The following KAZN variants were observed in gnomAD, a reference collection of about 807,000 sequenced individuals.
KAZN encodes the protein kazrin.
In KAZN, 40 loss-of-function variants were observed where a neutral mutation model predicts 87.4. That is an observed-to-expected ratio of 0.46 (90% CI 0.36 to 0.60). The LOEUF (loss-of-function observed/expected upper bound fraction) is 0.60, where lower values mean the gene tolerates loss of function less well. Ranked by LOEUF, KAZN falls within the 20% of genes least tolerant of loss-of-function variation. KAZN has a pLI of 0.00. For synonymous variants in KAZN, 466 were observed against 458.3 expected, an observed-to-expected ratio of 1.02 and a Z score of -0.22; for missense variants, 898 against 1,073.9, an observed-to-expected ratio of 0.84 and a Z score of 2.29.
intron 2 of KAZN, among the ~76,000 whole-genome samples, chr1:14,254,813 G>A (rs1472771533): frequency 6.6e-6 from 1 of 152,204 alleles, no homozygotes; most frequent in African/African-American, 2.4e-5. Flanking sequence ...AAGCTTACAA[G>A]CATGGCAGAA....
At chr1:14,595,676 G>A (rs12025574), upstream of KAZN, among the ~76,000 whole-genome samples, 24,319 of 110,268 alleles carry the variant, frequency 0.22, 2,403 homozygotes, top group Middle Eastern at 0.39. Context: ...GCAAGACTGC[G>A]TCTCAAAAAA....
chr1:14,230,014 C>G (rs1303097569), intron 2 of KAZN, among the ~76,000 whole-genome samples: 1 of 152,246 alleles, frequency 6.6e-6, no homozygotes. Flanking sequence ...TGGAAATAGT[C>G]TACAGCTGTG....
chr1:13,954,875 G>A (rs1236611785), intron 1 of KAZN, among the ~76,000 whole-genome samples: 2 of 151,900 alleles, frequency 1.3e-5, no homozygotes, highest in East Asian at 3.8e-4. Flanking sequence ...TAGTTTTTAC[G>A]AATTGCTATG....
In KAZN at chr1:15,064,822, C is replaced by T. The variant is rs753006424; in HGVS notation, c.1099-808C>T. 7.3e-4 allele frequency among the ~76,000 whole-genome samples: 111 copies of T among 152,226 alleles called. 1 individual carries two copies. The highest frequency in any genetic ancestry group is 1.3e-4 in the Admixed American group (2 of 15,294). On this transcript the variant is annotated intron_variant, in intron 7 of 14. Coordinates refer to ENST00000376030, the MANE Select transcript of KAZN (RefSeq NM_201628.3). ...ACGGCAGACAGGGCCTGTGGCCACC[C>T]TTCCTCCCTGTGGCCTCGCATCGTG...
chr1:14,485,582 C>T (rs1301734154), intron 2 of KAZN, among the ~76,000 whole-genome samples: 2 of 152,138 alleles, frequency 1.3e-5, no homozygotes. Flanking sequence ...ATAAACTGCC[C>T]CTTAATCTGC....
At chr1:14,417,040 ACG>A (rs1491184608) in intron 2 of KAZN, among the ~76,000 whole-genome samples, 2 of 148,588 alleles carry the variant, frequency 1.3e-5, no homozygotes, top group African/African-American at 2.5e-5. Context: ...ACACACACAC[ACG>A]TTAACCAGGT....
intron 1 of KAZN, among the ~76,000 whole-genome samples, chr1:14,614,313 T>C (rs1268416682): frequency 6.6e-6 from 1 of 152,258 alleles, no homozygotes; most frequent in Non-Finnish European, 1.5e-5. Context: ...ACTCTCTTTA[T>C]AGTAAGCCTT....
At chr1:15,046,959 T>C (rs1313025835) in intron 4 of KAZN, among the ~76,000 whole-genome samples, 3 of 152,218 alleles carry the variant, frequency 2.0e-5, no homozygotes, top group African/African-American at 7.2e-5. Context: ...GAGGACTCCC[T>C]GGGTCTTTCT....
chr1:14,902,178 G>T (rs1235852194), intron 1 of KAZN, among the ~76,000 whole-genome samples: 1 of 152,116 alleles, frequency 6.6e-6, no homozygotes, highest in Admixed American at 6.5e-5. Flanking sequence ...GACATGCTTT[G>T]ATGGACATAA....
chr1:14,010,987 G>A (rs1323082253), intron 1 of KAZN, among the ~76,000 whole-genome samples: 2 of 151,172 alleles, frequency 1.3e-5, no homozygotes, highest in African/African-American at 4.9e-5. Flanking sequence ...CCCATCTTCT[G>A]CCTCCCCTAT....
chr1:14,376,956 G>C (rs1038789370), intron 2 of KAZN, among the ~76,000 whole-genome samples: 1 of 152,218 alleles, frequency 6.6e-6, no homozygotes, highest in Non-Finnish European at 1.5e-5. Flanking sequence ...TGCTGGTGCT[G>C]AGTACCAAAT....
chr1:13,971,595 GTT>G (rs34600098), intron 1 of KAZN, among the ~76,000 whole-genome samples: 1 of 144,702 alleles, frequency 6.9e-6, no homozygotes, highest in African/African-American at 2.5e-5. Flanking sequence ...ATCTTGTGAG[GTT>G]TTTTTTTTGT....
At chr1:15,089,940 C>T (rs1424292936) in intron 8 of KAZN, among the ~76,000 whole-genome samples, 1 of 152,136 alleles carries the variant, frequency 6.6e-6, no homozygotes, top group Non-Finnish European at 1.5e-5. Context: ...TTTAGAAAGT[C>T]CTTGAGACAG....
intron 2 of KAZN, among the ~76,000 whole-genome samples, chr1:14,571,545 T>C (rs1674862795): frequency 1.3e-5 from 2 of 152,212 alleles, no homozygotes; most frequent in Admixed American, 6.5e-5. Context: ...AATGGCTCCA[T>C]GCGCCTATGC....
At chr1:14,915,044 G>A (rs1341470678) in intron 1 of KAZN, among the ~76,000 whole-genome samples, 8 of 152,098 alleles carry the variant, frequency 5.3e-5, no homozygotes, top group African/African-American at 1.2e-4. Context: ...AAAATTAGCC[G>A]GGCGTGGTGG....
At chr1:14,743,966 C>T (rs1248405921) in intron 1 of KAZN, among the ~76,000 whole-genome samples, 1 of 152,124 alleles carries the variant, frequency 6.6e-6, no homozygotes. Context: ...AACCAAGACT[C>T]TGGTACCTGG....
intron 2 of KAZN, among the ~76,000 whole-genome samples, chr1:14,270,775 C>T (rs1048900638): frequency 6.6e-6 from 1 of 152,088 alleles, no homozygotes; most frequent in African/African-American, 2.4e-5. Context: ...TCTCAATAAC[C>T]CTCTTTTTTC....
At chr1:14,554,616 AACAG>A (rs1451931388) in intron 2 of KAZN, among the ~76,000 whole-genome samples, 2 of 152,242 alleles carry the variant, frequency 1.3e-5, no homozygotes, top group African/African-American at 4.8e-5. Flanking sequence ...TATGATCTGA[AACAG>A]ACAGAGGCAA....
intron 1 of KAZN, among the ~76,000 whole-genome samples, chr1:14,043,265 G>A (rs1473139706): frequency 6.6e-6 from 1 of 152,200 alleles, no homozygotes; most frequent in Non-Finnish European, 1.5e-5. Context: ...TTTTAAGGCT[G>A]AATGATATTC....
Sources: allele counts gnomAD v4.1 joint callset (sites outside exome capture counted in the v4.1 genomes callset), GRCh38; gene constraint gnomAD v4.1.1; transcripts MANE v1.5; gene names NCBI Gene and HGNC (gene_info 2026-07-23, HGNC 2026-07-21).